AIPL1: variants seen among roughly 807,000 people sequenced by gnomAD.
AIPL1 encodes AIP like 1 HSP90 co-chaperone.
Under a neutral mutation model 32.9 loss-of-function variants are expected in AIPL1, and 23 were observed. That is an observed-to-expected ratio of 0.70 (90% CI 0.50 to 0.99). The LOEUF (loss-of-function observed/expected upper bound fraction) is 0.99, where lower values mean the gene tolerates loss of function less well. Among genes scored for constraint, AIPL1 ranks in the 50% least tolerant of loss-of-function variants. The pLI is 0.00. For synonymous variants in AIPL1, 210 were observed against 209.4 expected (o/e 1.00, Z -0.02); for missense variants, 485 against 506.0 (o/e 0.96, Z 0.40).
At chr17:6,432,463 C>A (rs1332788039) in intron 2 of AIPL1, among the ~76,000 whole-genome samples, 1 of 152,086 alleles carries the variant, frequency 6.6e-6, no homozygotes, top group Admixed American at 6.5e-5. Flanking sequence ...TATGCAGAGA[C>A]TTTGTTTGTT....
chr17:6,434,259 C>T (rs1912940256), intron 1 of AIPL1, among the ~76,000 whole-genome samples, 161 bp from the exon 2 acceptor site: 1 of 151,914 alleles, frequency 6.6e-6, no homozygotes, highest in Non-Finnish European at 1.5e-5. Context: ...CCTGCCTGCA[C>T]CCCCCAGGGA....
chr17:6,426,849 C>T (rs756335584), intron 4 of AIPL1, 32 bp downstream of exon 4: 2 of 1,613,452 alleles, frequency 1.2e-6, no homozygotes, highest in Non-Finnish European at 8.5e-7. Context: ...AGAGTCAGCG[C>T]CACTTCCCAC....
chr17:6,433,242 G>C (rs1293873868), intron 2 of AIPL1, among the ~76,000 whole-genome samples: 1 of 152,186 alleles, frequency 6.6e-6, no homozygotes, highest in African/African-American at 2.4e-5. Context: ...GGGCAAAAAA[G>C]TGACCAGTGC....
rs1911786845 is a variant in AIPL1 at position 6,425,290 on chromosome 17, T to A, written c.*170A>T. ...AAAACTACTTTTATTCATAAGCTCT[T>A]CTGTACCCTTGGGATTGTTTTTTTT... On this transcript the variant is annotated 3_prime_UTR_variant, in exon 6 of 6. Transcript: ENST00000381129. 2 of 871,080 alleles carry A rather than the reference T, an allele frequency of 2.3e-6. No individual in the cohort carries two copies. The highest frequency in any genetic ancestry group is 3.2e-5 in the Admixed American group (1 of 30,918). 54.0% of individuals were successfully genotyped at this position (871,080 alleles called of 1,614,324 possible). A position where few individuals can be genotyped will look rare whatever the true frequency, so the allele number is the denominator to read the frequency against.
rs201520235 is a variant in AIPL1, at chr17:6,425,651, G to A, written c.964C>T (p.Arg322Cys). 9.3e-6 allele frequency: 15 copies of A among 1,611,578 alleles called. No homozygotes were observed. The highest frequency in any genetic ancestry group is 8.3e-5 in the Admixed American group (5 of 60,010). The change falls in exon 6 of 6, where the codon CGC (arginine) becomes TGC (cysteine). Residue 322 changes from arginine to cysteine, a missense_variant. Arg to Cys is a radical substitution (Grantham distance 180). Transcript: ENST00000381129. ...MAEKQEEERL[R>C]CRNMLSQGAT... is the part of the protein sequence containing the mutation. ...CCCTGGCTCAGCATGTTCCGGCAGCGCAGCCGCTCCTCCTCCTGCTTCTCC... is the reference window on the plus strand; with the variant it reads ...CCCTGGCTCAGCATGTTCCGGCAGCACAGCCGCTCCTCCTCCTGCTTCTCC...
chr17:6,433,735 C>G (rs541327026), intron 2 of AIPL1, among the ~76,000 whole-genome samples, 184 bp downstream of exon 2: 1 of 152,248 alleles, frequency 6.6e-6, no homozygotes, highest in East Asian at 1.9e-4. Flanking sequence ...CAGCATGGGT[C>G]ACCCCTTCCA....
chr17:6,434,101 A>C lies in AIPL1; in HGVS notation c.97-3T>G. 1 of 1,612,806 alleles carries C rather than the reference A, an allele frequency of 6.2e-7. No individual in the cohort carries two copies. The highest frequency in any genetic ancestry group is 8.5e-7 in the Non-Finnish European group (1 of 1,179,896). On this transcript the variant is annotated splice_region_variant and splice_polypyrimidine_tract_variant and intron_variant, in intron 1 of 5. Transcript: ENST00000381129. ...ATGGTGCGGAAATGAAAGATCACCT[A>C]GTCACCGAGACGGTGCACTCTGCTC...
At position 6,425,326 on chromosome 17, in the gene AIPL1, C is replaced by A. The variant is rs2090068; in HGVS notation, c.*134G>T. ...GGGATTGTTTTTTTTTTTTTTTTTA[C>A]CATGGGTGTGTCTGACTTTGATTTC... On this transcript the variant is annotated 3_prime_UTR_variant, in exon 6 of 6. Transcript: ENST00000381129. 2,506 of 865,544 alleles carry A rather than the reference C, an allele frequency of 2.9e-3. 30 individuals are homozygous for A. In the African/African-American group the frequency reaches 0.035, roughly 12 times the overall value. 53.6% of individuals were successfully genotyped at this position (865,544 alleles called of 1,614,324 possible).
At chr17:6,434,822 A>C in intron 1 of AIPL1, 187 bp downstream of exon 1, 1 of 1,053,522 alleles carries the variant, frequency 9.5e-7, no homozygotes, top group Non-Finnish European at 1.3e-6. Context: ...GCTAAAGTTG[A>C]ATCTGCAAAG....
rs201570681 is a variant in AIPL1, at chr17:6,425,610, G to A, written c.1005C>T (p.Pro335=). 1.7e-5 allele frequency: 28 copies of A among 1,613,190 alleles called. No homozygotes were observed. In the East Asian group the frequency reaches 4.9e-4, roughly 28 times the overall value. ...CGGGTGGCTCTGTGGGTGGCTCTGC[G>A]GGAGGCTGCGTGGCACCCTGGCTCA... ...NMLSQGATQP[P]AEPPTEPPAQ... The change falls in exon 6 of 6, where the codon CCC becomes CCT. Residue 335 remains proline, a synonymous_variant. Transcript: ENST00000381129.
rs1284009768 is a variant in AIPL1 at position 6,425,800 on chromosome 17, C to T, written c.815G>A (p.Arg272Gln). ...CTCATTCCACACCTCTGCGTGAGCC[C>T]GGGCACGCACGTAGTAGGCCTTCAC... ...GIVKAYYVRA[R>Q]AHAEVWNEAE... The change falls in exon 6 of 6, where the codon CGG (arginine) becomes CAG (glutamine). Residue 272 changes from arginine (R) to glutamine (Q), a missense_variant. Arg to Gln is a conservative substitution (Grantham distance 43). Coordinates refer to ENST00000381129, the MANE Select transcript of AIPL1 (RefSeq NM_014336.5). The T allele has an allele frequency of 1.9e-6, 3 of 1,605,262 alleles. No individual in the cohort carries two copies. The highest frequency in any genetic ancestry group is 2.5e-6 in the Non-Finnish European group (3 of 1,179,806).
At chr17:6,426,514 C>T in intron 5 of AIPL1, 101 bp downstream of exon 5, 1 of 1,533,848 alleles carries the variant, frequency 6.5e-7, no homozygotes, top group Non-Finnish European at 8.7e-7. Flanking sequence ...GGTTTGGTGC[C>T]CTGGTGGGGT....
Position 6,434,079 on chromosome 17 carries a change from G to C in AIPL1, c.116C>G (p.Thr39Ser). Reference sequence around the variant, plus strand: ...TGTCCGCTCCTCATCACATTTCATGGTGCGGAAATGAAAGATCACCTAGTC... The same window carrying C: ...TGTCCGCTCCTCATCACATTTCATGCTGCGGAAATGAAAGATCACCTAGTC... ...TGSRVIFHFRTMKCDEERTVI... is the reference protein window; with the variant it reads ...TGSRVIFHFRSMKCDEERTVI... The change falls in exon 2 of 6, where the codon ACC becomes AGC. Residue 39 changes from threonine to serine, a missense_variant. Transcript: ENST00000381129. 4 of 1,613,976 alleles carry C rather than the reference G, an allele frequency of 2.5e-6. No individual in the cohort carries two copies. The highest frequency in any genetic ancestry group is 3.4e-6 in the Non-Finnish European group (4 of 1,180,028).
At chr17:6,427,313 T>C (rs547639807) in intron 3 of AIPL1, among the ~76,000 whole-genome samples, 1 of 152,396 alleles carries the variant, frequency 6.6e-6, no homozygotes, top group South Asian at 2.1e-4. Flanking sequence ...ATACTCGTTT[T>C]GTTAGAACAA....
chr17:6,427,816 T>A lies in AIPL1; in HGVS notation c.465+502A>T, dbSNP rs904205278. On this transcript the variant is annotated intron_variant, in intron 3 of 5. Transcript: ENST00000381129. Reference sequence around the variant, plus strand: ...AAAACTGGTTCCAAGTGGACTTTTTTTTTTTTTCTTTTTTTTGGACATGGA... The same window carrying A: ...AAAACTGGTTCCAAGTGGACTTTTTATTTTTTTCTTTTTTTTGGACATGGA... Among the ~76,000 whole-genome samples the A allele has an allele frequency of 3.3e-5, 5 of 149,884 alleles. No individual in the cohort carries two copies. In the East Asian group the frequency reaches 9.7e-4, roughly 29 times the overall value.
rs1333548419 is a variant in AIPL1, at chr17:6,426,866, C to T, written c.642+15G>A. On this transcript the variant is annotated intron_variant, in intron 4 of 5. Transcript: ENST00000381129. ...AGTCAGCGCCACTTCCCACCCCTGG[C>T]CAGCGGCCTCTGACCTTGGTCTGCA... 1 of 1,613,984 alleles carries T rather than the reference C, an allele frequency of 6.2e-7. No individual in the cohort carries two copies. The highest frequency in any genetic ancestry group is 8.5e-7 in the Non-Finnish European group (1 of 1,180,038).
Position 6,435,073 on chromosome 17 carries a change from C to CCTT in AIPL1, c.29_31dup (p.Glu10dup). On this transcript the variant is annotated inframe_insertion, in exon 1 of 6. Transcript: ENST00000381129. ...CCCGTGCAGAATGGTTTTCTTGACC[C>CCTT]CTTCCACGTTCAGGAGCAGAGCGGC... 6.2e-7 allele frequency: 1 copy of CCTT among 1,614,212 alleles called. No individual in the cohort carries two copies. The highest frequency in any genetic ancestry group is 1.1e-5 in the South Asian group (1 of 91,086).
At chr17:6,430,027 GAACT>G (rs1912415619) in intron 2 of AIPL1, among the ~76,000 whole-genome samples, 2 of 150,806 alleles carry the variant, frequency 1.3e-5, no homozygotes, top group Non-Finnish European at 2.9e-5. Context: ...TGCAGGTGAA[GAACT>G]AACTCTAGAA....
Position 6,435,040 on chromosome 17 carries a change from C to T in AIPL1, c.65G>A (p.Gly22Asp). 6.2e-7 allele frequency: 1 copy of T among 1,614,220 alleles called. No homozygotes were observed. The highest frequency in any genetic ancestry group is 2.2e-5 in the East Asian group (1 of 44,872). ...VKKTILHGGT[G>D]ELPNFITGSR... ...TCCGGTGATGAAGTTTGGGAGCTCG[C>T]CCGTGCCCCCGTGCAGAATGGTTTT... The change falls in exon 1 of 6, where the codon GGC (glycine) becomes GAC (aspartate). Residue 22 changes from glycine (G) to aspartate (D), a missense_variant. Gly to Asp is a moderately conservative substitution (Grantham distance 94, BLOSUM62 -1). Transcript: ENST00000381129.
Sources: allele counts gnomAD v4.1 joint callset (sites outside exome capture counted in the v4.1 genomes callset), GRCh38; gene constraint gnomAD v4.1.1; transcripts MANE v1.5; gene names NCBI Gene and HGNC (gene_info 2026-07-23, HGNC 2026-07-21).